Variants in ZNF544 observed in about 807,000 individuals in gnomAD.
ZNF544 encodes zinc finger protein 544, also known as zinc finger protein AF020591.
ZNF544 carries 10 observed loss-of-function variants against 13.5 expected under a neutral mutation model. The ratio of observed to expected loss-of-function variants is 0.74; its 90% CI spans 0.46 to 1.25. The LOEUF (loss-of-function observed/expected upper bound fraction) is 1.25, where lower values mean the gene tolerates loss of function less well. ZNF544 is among the 50% of genes most tolerant of loss of function. The pLI, the probability that ZNF544 is intolerant of heterozygous loss-of-function variation, is 0.00. For missense variants in ZNF544, 896 were observed against 845.6 expected (o/e 1.06, Z -0.74); for synonymous variants, 323 against 300.5 (o/e 1.07, Z -0.77).
intron 3 of ZNF544, among the ~76,000 whole-genome samples, chr19:58,243,491 T>C (rs552802741): frequency 2.6e-5 from 4 of 151,756 alleles, no homozygotes; most frequent in Non-Finnish European, 5.9e-5. Flanking sequence ...GGCAGCATCC[T>C]GGTACTTCCA....
chr19:58,238,727 G>A (rs562500575), intron 3 of ZNF544, among the ~76,000 whole-genome samples: 16 of 152,210 alleles, frequency 1.1e-4, no homozygotes, highest in African/African-American at 3.9e-4. Flanking sequence ...CTCCCTCATT[G>A]TAGGGATCAT....
At chr19:58,236,205 A>G (rs933903468) in intron 3 of ZNF544, among the ~76,000 whole-genome samples, 5 of 152,072 alleles carry the variant, frequency 3.3e-5, no homozygotes, top group Non-Finnish European at 5.9e-5. Flanking sequence ...CCCCATCTCT[A>G]TTTTGAAAAC....
rs747728770 is a variant in ZNF544, at chr19:58,260,925, G to A, written c.319G>A (p.Val107Met). Residue 107 changes from valine (V) to methionine (M), a missense_variant, in exon 7 of 7, where the codon GTG becomes ATG. By Grantham distance (21) the Val-to-Met change is conservative. Coordinates refer to ENST00000687789, the MANE Select transcript of ZNF544 (RefSeq NM_014480.4). Reference protein sequence around the residue: ...DRAREELSHHVEVYRSGPEEP... With the variant: ...DRAREELSHHMEVYRSGPEEP... ...AGCTAGGGAAGAACTATCCCACCAC[G>A]TGGAAGTGTACAGGAGTGGACCGGA... is the stretch of plus-strand genomic sequence containing the variant. The A allele has an allele frequency of 4.4e-5, 71 of 1,613,962 alleles. No individual in the cohort carries two copies. The highest frequency in any genetic ancestry group is 1.7e-4 in the Admixed American group (10 of 59,984).
At chr19:58,269,969 T>G (rs1375324983) in intron 5 of ZNF544, among the ~76,000 whole-genome samples, 1 of 152,150 alleles carries the variant, frequency 6.6e-6, no homozygotes, top group Admixed American at 6.6e-5. Context: ...AAAATAGTTT[T>G]GAATCTAAGA....
chr19:58,262,668 T>C lies in ZNF544; in HGVS notation c.2062T>C (p.Tyr688His), dbSNP rs750642158. ...HHRIHSGEKP[Y>H]ECSDCGKSFR... ...CAGAATTCATTCTGGAGAGAAACCC[T>C]ATGAATGTAGTGACTGTGGGAAATC... Residue 688 changes from tyrosine (Y) to histidine (H), a missense_variant, in exon 7 of 7, where the codon TAT becomes CAT. Coordinates refer to ENST00000687789, the MANE Select transcript of ZNF544 (RefSeq NM_014480.4). The C allele has an allele frequency of 2.5e-6, 4 of 1,613,276 alleles. No individual in the cohort carries two copies. The African/African-American group carries it at 5.3e-5, about 22-fold the overall frequency.
intron 5 of ZNF544, among the ~76,000 whole-genome samples, chr19:58,275,801 AAG>A (rs1568518841): frequency 3.0e-5 from 4 of 131,684 alleles, no homozygotes; most frequent in African/African-American, 8.8e-5. Context: ...AAAAAAAAAA[AAG>A]GAAAGAGGAA....
intron 5 of ZNF544, among the ~76,000 whole-genome samples, chr19:58,270,783 T>C (rs2050539254): frequency 6.6e-6 from 1 of 152,150 alleles, no homozygotes; most frequent in Non-Finnish European, 1.5e-5. Flanking sequence ...ACCATCCTTT[T>C]AGGAAGTAGG....
intron 6 of ZNF544, 58 bp from the exon 7 acceptor site, chr19:58,260,787 TCTCCCC>T (rs951504614): frequency 2.2e-5 from 32 of 1,442,072 alleles, no homozygotes; most frequent in African/African-American, 1.3e-4. Context: ...GTCTCCTTCA[TCTCCCC>T]CTCCCCCTCC....
chr19:58,272,919 C>T (rs953130001), intron 5 of ZNF544, among the ~76,000 whole-genome samples: 1 of 151,558 alleles, frequency 6.6e-6, no homozygotes, highest in Non-Finnish European at 1.5e-5. Context: ...CGCGGTGGCT[C>T]ATGCCTGTAA....
At position 58,261,350 on chromosome 19, in the gene ZNF544, T is replaced by G. The variant is rs1201388930; in HGVS notation, c.744T>G (p.Gly248=). The G allele has an allele frequency of 6.2e-7, 1 of 1,614,214 alleles. No individual in the cohort carries two copies. The stretch of plus-strand genomic sequence containing the variant: ...ACCCTTATGAATATATTGTCAGTGG[T>G]GACTCTCTCAACTATGGTTCCTCCC... ...KKNPYEYIVS[G]DSLNYGSSLC... Residue 248 remains glycine (G), a synonymous_variant, in exon 7 of 7, where the codon GGT becomes GGG. Coordinates refer to ENST00000687789, the MANE Select transcript of ZNF544 (RefSeq NM_014480.4).
At chr19:58,276,291 A>G (rs2051217983) in intron 5 of ZNF544, 3 of 1,179,938 alleles carry the variant, frequency 2.5e-6, no homozygotes, top group Non-Finnish European at 2.1e-6. Flanking sequence ...GGGGAAGGCA[A>G]TAGATCCTCC....
chr19:58,236,956 G>T (rs1199637125), intron 3 of ZNF544, among the ~76,000 whole-genome samples: 1 of 151,338 alleles, frequency 6.6e-6, no homozygotes, highest in Non-Finnish European at 1.5e-5. Flanking sequence ...AACCAGGCTG[G>T]TCTTGATCTC....
chr19:58,235,652 A>G (rs961098227), intron 3 of ZNF544, among the ~76,000 whole-genome samples: 1 of 152,230 alleles, frequency 6.6e-6, no homozygotes, highest in African/African-American at 2.4e-5. Context: ...AATTACCTCA[A>G]TTTAGCCATT....
intron 5 of ZNF544, chr19:58,276,261 A>G: frequency 1.2e-6 from 1 of 869,144 alleles, no homozygotes; most frequent in East Asian, 3.3e-5. Context: ...TACCTCTCCA[A>G]CACTGGTGGC....
At position 58,263,128 on chromosome 19, in the gene ZNF544, T is replaced by C. The variant is rs1249019440; in HGVS notation, c.*374T>C. 2.0e-6 allele frequency: 2 copies of C among 1,016,096 alleles called. No homozygotes were observed. The highest frequency in any genetic ancestry group is 9.8e-5 in the East Asian group (1 of 10,226). 62.9% of individuals were successfully genotyped at this position (1,016,096 alleles called of 1,614,324 possible). A position where few individuals can be genotyped will look rare whatever the true frequency, so the allele number is the denominator to read the frequency against. ...GCTTCCAGTTATGATACTTTCCTTATTCAACATGAGAAAGCTCATGGGCAA... is the reference window on the plus strand; with the variant it reads ...GCTTCCAGTTATGATACTTTCCTTACTCAACATGAGAAAGCTCATGGGCAA... On this transcript the variant is annotated 3_prime_UTR_variant, in exon 7 of 7. Transcript: ENST00000687789.
chr19:58,268,510 T>G (rs1470242566), downstream of ZNF544, among the ~76,000 whole-genome samples: 1 of 152,190 alleles, frequency 6.6e-6, no homozygotes, highest in Non-Finnish European at 1.5e-5. Context: ...TTTTACTTTC[T>G]GCAGAAAGGG....
At chr19:58,236,543 A>G (rs140112969) in intron 3 of ZNF544, among the ~76,000 whole-genome samples, 1 of 151,956 alleles carries the variant, frequency 6.6e-6, no homozygotes, top group Non-Finnish European at 1.5e-5. Context: ...CAAACAAACA[A>G]AAAGCCATCA....
Position 58,243,998 on chromosome 19 carries a change from G to A in ZNF544, c.-26G>A. On this transcript the variant is annotated 5_prime_UTR_variant, in exon 4 of 7. Transcript: ENST00000687789. ...TCTGAGGACCTCTGCCCTCTACACA[G>A]CGGCCTCTTCAGGTGCAGGGAGGAA... 5.0e-6 allele frequency: 8 copies of A among 1,604,044 alleles called. No homozygotes were observed. Among genetic ancestry groups the A allele is most frequent in the Non-Finnish European group, 6.8e-6 (8 of 1,175,036 alleles).
At chr19:58,268,066 G>A (rs111931762), downstream of ZNF544, among the ~76,000 whole-genome samples, 1,109 of 152,254 alleles carry the variant, frequency 7.3e-3, 21 homozygotes, top group East Asian at 0.083. Flanking sequence ...TTGGGAGGCC[G>A]AGGCGGGCGG....
Sources: gnomAD v4.1 joint callset for allele counts (sites outside exome capture counted in the v4.1 genomes callset) on GRCh38, gnomAD v4.1.1 for gene constraint, MANE v1.5 for transcripts, NCBI Gene and HGNC (gene_info 2026-07-23, HGNC 2026-07-21) for gene names.